The following EDC3 variants were observed in gnomAD, a reference collection of about 807,000 sequenced individuals.
EDC3 encodes enhancer of mRNA-decapping protein 3.
Under a neutral mutation model 41.8 loss-of-function variants are expected in EDC3, and 20 were observed. That is an observed-to-expected ratio of 0.48 (90% CI 0.34 to 0.70). EDC3 has a LOEUF of 0.70. Among genes scored for constraint, EDC3 ranks in the 30% least tolerant of loss-of-function variants. The probability of loss-of-function intolerance (pLI) is 0.01; values close to 1 mark genes in which losing one functional copy is unlikely to be tolerated. For synonymous variants in EDC3, 206 were observed against 243.2 expected (o/e 0.85, Z 1.42); for missense variants, 444 against 636.8 (o/e 0.70, Z 3.26).
chr15:74,689,307 T>C (rs1379296031), intron 1 of EDC3, among the ~76,000 whole-genome samples: 1 of 152,176 alleles, frequency 6.6e-6, no homozygotes, highest in Non-Finnish European at 1.5e-5. Flanking sequence ...ATTGTTCTCT[T>C]CAACTTACTC....
chr15:74,667,009 C>T (rs964321617), intron 3 of EDC3, among the ~76,000 whole-genome samples: 12 of 152,066 alleles, frequency 7.9e-5, no homozygotes, highest in Non-Finnish European at 7.4e-5. Flanking sequence ...AGAAACAGTA[C>T]GTAAGCACCA....
At chr15:74,643,251 G>C (rs992577607) in intron 4 of EDC3, 3 of 152,208 alleles carry the variant, frequency 2.0e-5, no homozygotes, top group Non-Finnish European at 2.9e-5. Context: ...CTGAACATGG[G>C]CCAAGTCTAA....
intron 4 of EDC3, among the ~76,000 whole-genome samples, chr15:74,646,376 C>T (rs1032099856): frequency 3.3e-5 from 5 of 152,210 alleles, no homozygotes; most frequent in Admixed American, 2.0e-4. Context: ...TCCGGCCCCC[C>T]AGTCTTATAA....
rs2062944083 is a variant in EDC3 at position 74,686,874 on chromosome 15, T to C, written c.-19+9006A>G. On this transcript the variant is annotated intron_variant, in intron 1 of 6. Transcript: ENST00000315127. Reference sequence around the variant, plus strand: ...TGGCTCACGCCTATAATCCCAGCACTTTGGGAGGCCGACGTGGACGGCATG... The same window carrying C: ...TGGCTCACGCCTATAATCCCAGCACCTTGGGAGGCCGACGTGGACGGCATG... 6.6e-6 allele frequency among the ~76,000 whole-genome samples: 1 copy of C among 151,826 alleles called. No homozygotes were observed. The highest frequency in any genetic ancestry group is 1.5e-5 in the Non-Finnish European group (1 of 67,968).
In EDC3 at chr15:74,632,197, CAG is replaced by C. The variant is rs1284725589; in HGVS notation, c.*413_*414del. The C allele has an allele frequency of 9.4e-6, 2 of 212,882 alleles. No homozygotes were observed. Among genetic ancestry groups the C allele is most frequent in the Admixed American group, 1.0e-4 (2 of 19,152 alleles). The allele number at this position is 212,882 out of a possible 1,614,324, so 13.2% of individuals were successfully genotyped here. A position where few individuals can be genotyped will look rare whatever the true frequency, so the allele number is the denominator to read the frequency against. On this transcript the variant is annotated 3_prime_UTR_variant, in exon 7 of 7. Coordinates refer to ENST00000315127, the MANE Select transcript of EDC3 (RefSeq NM_025083.5). This position sits in a 1 kb window ranked among gnomAD's most constrained non-coding sequence, Gnocchi z 4.0. ...GGAAGGGCTGTCTGCGTGGGGAAAG[CAG>C]GGGAGACACAAAGCCACAAGCTCTG... is the stretch of plus-strand genomic sequence containing the variant.
intron 1 of EDC3, among the ~76,000 whole-genome samples, chr15:74,694,838 A>G (rs1204775855): frequency 6.6e-6 from 1 of 152,222 alleles, no homozygotes; most frequent in African/African-American, 2.4e-5. Context: ...CTAGCCCCAC[A>G]GCCCTATGCC....
intron 3 of EDC3, among the ~76,000 whole-genome samples, chr15:74,665,271 C>A (rs1449788054): frequency 6.6e-6 from 1 of 152,192 alleles, no homozygotes; most frequent in Non-Finnish European, 1.5e-5. Flanking sequence ...GGTGATCTGC[C>A]CACCTCAGTC....
chr15:74,662,998 T>C (rs944694893), intron 3 of EDC3, among the ~76,000 whole-genome samples: 1 of 152,134 alleles, frequency 6.6e-6, no homozygotes, highest in African/African-American at 2.4e-5. Context: ...TTGAAAAGCA[T>C]GAGCTGGCCT....
chr15:74,662,773 C>G (rs1227687248), intron 3 of EDC3, among the ~76,000 whole-genome samples: 1 of 152,110 alleles, frequency 6.6e-6, no homozygotes, highest in African/African-American at 2.4e-5. Flanking sequence ...CACTCCCATT[C>G]AGATAAAACC....
In EDC3 at chr15:74,632,570, G is replaced by A. The variant is rs752387549; in HGVS notation, c.*42C>T. ...ATATCCTTAAGGCGTTTGTTATCAG[G>A]AGCAGCAGGGGACAGCAGAGTCCTG... On this transcript the variant is annotated 3_prime_UTR_variant, in exon 7 of 7. Coordinates refer to ENST00000315127, the MANE Select transcript of EDC3 (RefSeq NM_025083.5). The surrounding 1 kb of genome is among the most constrained non-coding windows in gnomAD (Gnocchi z 4.0). 14 of 1,591,356 alleles carry A rather than the reference G, an allele frequency of 8.8e-6. No individual in the cohort carries two copies. In the African/African-American group the frequency reaches 1.6e-4, roughly 18 times the overall value.
chr15:74,655,569 G>C (rs1335417442), intron 4 of EDC3, among the ~76,000 whole-genome samples, 164 bp downstream of exon 4: 1 of 152,146 alleles, frequency 6.6e-6, no homozygotes, highest in Admixed American at 6.5e-5. Flanking sequence ...GCAGAATGCT[G>C]TTATTGGCTG....
Position 74,671,053 on chromosome 15 carries a change from A to G in EDC3, c.484+402T>C, listed in dbSNP as rs2062732720. On this transcript the variant is annotated intron_variant, in intron 3 of 6. Transcript: ENST00000315127. This position sits in a 1 kb window ranked among gnomAD's most constrained non-coding sequence, Gnocchi z 4.6. ...GTTTTTTTTTTTTTCTTTTTCAGAA[A>G]CAGAATCTCACTATTTTGCCCAGAC... Among the ~76,000 whole-genome samples the G allele has an allele frequency of 6.6e-6, 1 of 151,990 alleles. No homozygotes were observed. The highest frequency in any genetic ancestry group is 1.9e-4 in the East Asian group (1 of 5,176).
chr15:74,691,031 G>GA (rs1359532097), intron 1 of EDC3, among the ~76,000 whole-genome samples: 8 of 150,690 alleles, frequency 5.3e-5, no homozygotes, highest in Admixed American at 3.3e-4. Flanking sequence ...TCTGTCTCTA[G>GA]AAAAAATACA....
At chr15:74,691,511 C>T (rs967758993) in intron 1 of EDC3, among the ~76,000 whole-genome samples, 6 of 152,112 alleles carry the variant, frequency 3.9e-5, no homozygotes, top group African/African-American at 1.4e-4. Flanking sequence ...AACAAAATTA[C>T]AAAAATACAT....
Position 74,676,206 on chromosome 15 carries a change from G to A in EDC3, c.-18-1064C>T, listed in dbSNP as rs371789982. 6.8e-4 allele frequency among the ~76,000 whole-genome samples: 103 copies of A among 152,272 alleles called. 1 individual carries two copies. Among genetic ancestry groups the A allele is most frequent in the Admixed American group, 1.2e-3 (18 of 15,284 alleles). ...AGTCAGAAAATAGTTCTAACTCAAC[G>A]ATAATGAAAACACAACATCAACTTT... On this transcript the variant is annotated intron_variant, in intron 1 of 6. Coordinates refer to ENST00000315127, the MANE Select transcript of EDC3 (RefSeq NM_025083.5).
chr15:74,652,474 C>T (rs1282985543), intron 4 of EDC3, among the ~76,000 whole-genome samples: 3 of 152,152 alleles, frequency 2.0e-5, no homozygotes, highest in Non-Finnish European at 2.9e-5. Flanking sequence ...GTGATCCACA[C>T]GCCTCAGCCC....
At chr15:74,655,227 C>T (rs1347355678) in intron 4 of EDC3, among the ~76,000 whole-genome samples, 1 of 152,190 alleles carries the variant, frequency 6.6e-6, no homozygotes, top group Admixed American at 6.5e-5. Flanking sequence ...TGAAATTAGC[C>T]AACTTTCAAT....
At chr15:74,650,992 T>G (rs2141605084) in intron 4 of EDC3, among the ~76,000 whole-genome samples, 1 of 152,208 alleles carries the variant, frequency 6.6e-6, no homozygotes, top group South Asian at 2.1e-4. Flanking sequence ...AGTAAGACTC[T>G]GTCTCAAAAA....
chr15:74,674,892 C>A (rs1447457529), intron 2 of EDC3, 69 bp downstream of exon 2: 2 of 1,561,600 alleles, frequency 1.3e-6, no homozygotes, highest in African/African-American at 1.4e-5. Context: ...AGAATACTAG[C>A]AATCAGACCT....
Sources: allele counts gnomAD v4.1 joint callset (sites outside exome capture counted in the v4.1 genomes callset), GRCh38; gene constraint gnomAD v4.1.1; non-coding constraint Gnocchi (gnomAD v3.1); transcripts MANE v1.5; gene names NCBI Gene and HGNC (gene_info 2026-07-23, HGNC 2026-07-21).